PPP1R1A: variants seen among roughly 807,000 people sequenced by gnomAD.
The protein encoded by PPP1R1A is protein phosphatase 1 regulatory inhibitor subunit 1A.
Under a neutral mutation model 23.9 loss-of-function variants are expected in PPP1R1A, and 18 were observed. That is an observed-to-expected ratio of 0.75 (90% CI 0.52 to 1.12). The LOEUF is 1.12. Ranked by LOEUF, PPP1R1A falls within the 50% of genes most tolerant of loss-of-function variation. The pLI, the probability that PPP1R1A is intolerant of heterozygous loss-of-function variation, is 0.00. For synonymous variants in PPP1R1A, 84 were observed against 80.7 expected, an observed-to-expected ratio of 1.04 and a Z score of -0.22; for missense variants, 207 against 223.8, an observed-to-expected ratio of 0.92 and a Z score of 0.48.
In PPP1R1A at chr12:54,581,416, G is replaced by A. The variant is rs530360113; in HGVS notation, c.404-366C>T. Among the ~76,000 whole-genome samples, 2 of 152,230 alleles carry A rather than the reference G, an allele frequency of 1.3e-5. No homozygotes were observed. The highest frequency in any genetic ancestry group is 2.1e-4 in the South Asian group (1 of 4,822). On this transcript the variant is annotated intron_variant, in intron 5 of 6. Coordinates refer to ENST00000257905, the MANE Select transcript of PPP1R1A (RefSeq NM_006741.4). The surrounding 1 kb of genome is among the most constrained non-coding windows in gnomAD (Gnocchi z 4.1). ...GTGTTTGATTGTAGGGTTCTCTGCC[G>A]GGAATACTATGCGATACACAGTTTA...
intron 2 of PPP1R1A, 21 bp downstream of exon 2, chr12:54,584,239 G>A: frequency 3.2e-6 from 5 of 1,584,388 alleles, no homozygotes; most frequent in East Asian, 2.3e-5. Flanking sequence ...ACGCCCTTCA[G>A]CAACCTATCC....
chr12:54,587,129 G>A (rs990271996), intron 1 of PPP1R1A, among the ~76,000 whole-genome samples: 19 of 152,174 alleles, frequency 1.2e-4, no homozygotes, highest in African/African-American at 4.6e-4. Context: ...GGAGACGCAG[G>A]TACCTAACCC....
At chr12:54,587,521 C>T (rs1205454550) in intron 1 of PPP1R1A, among the ~76,000 whole-genome samples, 1 of 152,248 alleles carries the variant, frequency 6.6e-6, no homozygotes, top group Non-Finnish European at 1.5e-5. Context: ...GAGGCATACA[C>T]TTGCTCACAC....
rs752827269 is a variant in PPP1R1A, at chr12:54,580,396, T to C, written c.511-4A>G. On this transcript the variant is annotated splice_polypyrimidine_tract_variant and splice_region_variant and intron_variant, in intron 6 of 6. Coordinates refer to ENST00000257905, the MANE Select transcript of PPP1R1A (RefSeq NM_006741.4). ...GATACCTCCTCCTCTCTCAGACCTGTTATGGGGGAAAGGGGACAGAAAGAG... is the reference window on the plus strand; with the variant it reads ...GATACCTCCTCCTCTCTCAGACCTGCTATGGGGGAAAGGGGACAGAAAGAG... The C allele has an allele frequency of 2.1e-5, 34 of 1,612,680 alleles. No homozygotes were observed. Among genetic ancestry groups the C allele is most frequent in the Non-Finnish European group, 2.8e-5 (33 of 1,178,852 alleles).
Position 54,579,738 on chromosome 12 carries a change from G to A in PPP1R1A, c.*649C>T. The A allele has an allele frequency of 1.0e-6, 1 of 985,268 alleles. No homozygotes were observed. The highest frequency in any genetic ancestry group is 4.8e-5 in the South Asian group (1 of 21,050). 61.0% of individuals were successfully genotyped at this position (985,268 alleles called of 1,614,324 possible). ...TAACGGGTTGAAATAAGGGACAGCGGTCCCACAGCTGGAAGAGGGAACACA... is the reference window on the plus strand; with the variant it reads ...TAACGGGTTGAAATAAGGGACAGCGATCCCACAGCTGGAAGAGGGAACACA... On this transcript the variant is annotated 3_prime_UTR_variant, in exon 7 of 7. Transcript: ENST00000257905.
chr12:54,582,278 G>A (rs779989979), intron 4 of PPP1R1A, 147 bp from the exon 5 acceptor site: 101 of 824,660 alleles, frequency 1.2e-4, no homozygotes, highest in Admixed American at 1.9e-4. Flanking sequence ...GAACAAGGAG[G>A]GGACATTAGC....
Position 54,582,015 on chromosome 12 carries a change from C to T in PPP1R1A, c.364G>A (p.Glu122Lys). Residue 122 changes from glutamate (E) to lysine (K), a missense_variant, in exon 5 of 7, where the codon GAA becomes AAA. Physicochemically the swap from Glu to Lys is moderately conservative, Grantham distance 56 (BLOSUM62 1). Coordinates refer to ENST00000257905, the MANE Select transcript of PPP1R1A (RefSeq NM_006741.4). ...GAGGTGCCCAGCCTTGACTCCACTT[C>T]TGTGTCTGGGATCCCAGGTGGGCGG... is the stretch of plus-strand genomic sequence containing the variant. Reference protein sequence around the residue: ...ESRPPGIPDTEVESRLGTSGT... With the variant: ...ESRPPGIPDTKVESRLGTSGT... 6.2e-7 allele frequency: 1 copy of T among 1,613,660 alleles called. No homozygotes were observed. Among genetic ancestry groups the T allele is most frequent in the South Asian group, 1.1e-5 (1 of 91,030 alleles).
At chr12:54,582,486 C>T (rs947596304) in intron 4 of PPP1R1A, among the ~76,000 whole-genome samples, 12 of 151,996 alleles carry the variant, frequency 7.9e-5, no homozygotes, top group African/African-American at 2.4e-4. Context: ...TGCACTGTGC[C>T]GGTGAGTTCA....
chr12:54,588,256 A>ACCCCCCCCCCCCCCCCCCCCCCCC (rs142801029), intron 1 of PPP1R1A, 149 bp downstream of exon 1: 2 of 181,492 alleles, frequency 1.1e-5, no homozygotes, highest in Admixed American at 6.7e-5. Context: ...GGGACAGAAG[A>ACCCCCCCCCCCCCCCCCCCCCCCC]CCCCCCCCCG....
At chr12:54,587,751 G>C (rs1339757901) in intron 1 of PPP1R1A, among the ~76,000 whole-genome samples, 1 of 151,916 alleles carries the variant, frequency 6.6e-6, no homozygotes, top group African/African-American at 2.4e-5. Flanking sequence ...CACTCCAAAG[G>C]GCAGGAGTTG....
Position 54,580,376 on chromosome 12 carries a change from C to T in PPP1R1A, c.*11G>A. 1 of 1,613,522 alleles carries T rather than the reference C, an allele frequency of 6.2e-7. No homozygotes were observed. The highest frequency in any genetic ancestry group is 8.5e-7 in the Non-Finnish European group (1 of 1,179,602). On this transcript the variant is annotated 3_prime_UTR_variant, in exon 7 of 7. Coordinates refer to ENST00000257905, the MANE Select transcript of PPP1R1A (RefSeq NM_006741.4). ...AACTGCAGTCTTGATCCCAAGATAC[C>T]TCCTCCTCTCTCAGACCTGTTATGG...
intron 3 of PPP1R1A, 31 bp from the exon 4 acceptor site, chr12:54,582,826 C>G (rs1320732955): frequency 6.2e-7 from 1 of 1,604,182 alleles, no homozygotes; most frequent in Non-Finnish European, 8.5e-7. Context: ...AGATGGGCGC[C>G]AGCCCCCCCT....
At position 54,582,110 on chromosome 12, in the gene PPP1R1A, T is replaced by C; in HGVS notation, c.269A>G (p.His90Arg). The C allele has an allele frequency of 6.2e-7, 1 of 1,613,518 alleles. No individual in the cohort carries two copies. The highest frequency in any genetic ancestry group is 8.5e-7 in the Non-Finnish European group (1 of 1,179,682). The change falls in exon 5 of 7, where the codon CAT (histidine) becomes CGT (arginine). Residue 90 changes from histidine to arginine, a missense_variant. By Grantham distance (29) the His-to-Arg change is conservative. Coordinates refer to ENST00000257905, the MANE Select transcript of PPP1R1A (RefSeq NM_006741.4). ...TCCTTGCTGCTGTTGCCCCAGGTGA[T>C]GTTCAACCATCATCTGGAGCTCTGG... ...TMKELQMMVEHHLGQQQQGEE... is the reference protein window; with the variant it reads ...TMKELQMMVERHLGQQQQGEE...
chr12:54,587,369 T>A (rs934980822), intron 1 of PPP1R1A, among the ~76,000 whole-genome samples: 1 of 152,188 alleles, frequency 6.6e-6, no homozygotes. Flanking sequence ...AAATTGATAT[T>A]CTTTAGGAAT....
intron 1 of PPP1R1A, among the ~76,000 whole-genome samples, chr12:54,585,092 C>A (rs367931083): frequency 1.3e-5 from 2 of 152,292 alleles, no homozygotes; most frequent in African/African-American, 4.8e-5. Context: ...TTTCAAGCGC[C>A]CCCCAGCCTG....
rs749733573 is a variant in PPP1R1A, at chr12:54,581,002, G to T, written c.452C>A (p.Pro151His). 1.2e-6 allele frequency: 2 copies of T among 1,613,920 alleles called. No individual in the cohort carries two copies. The highest frequency in any genetic ancestry group is 1.7e-6 in the Non-Finnish European group (2 of 1,179,858). ...ATGGGTTGAGGGTTCTTTTGTGCTGGGTTCCTTACTGCCTCTCTCGTGAGT... is the reference window on the plus strand; with the variant it reads ...ATGGGTTGAGGGTTCTTTTGTGCTGTGTTCCTTACTGCCTCTCTCGTGAGT... ...PKTHERGSKE[P>H]STKEPSTHIP... Residue 151 changes from proline to histidine, a missense_variant, in exon 6 of 7, where the codon CCC becomes CAC. By Grantham distance (77) the Pro-to-His change is moderately conservative. Transcript: ENST00000257905. This position sits in a 1 kb window ranked among gnomAD's most constrained non-coding sequence, Gnocchi z 4.1.
intron 1 of PPP1R1A, among the ~76,000 whole-genome samples, chr12:54,587,660 T>C (rs1451041262): frequency 3.9e-5 from 6 of 152,142 alleles, no homozygotes; most frequent in African/African-American, 1.4e-4. Flanking sequence ...CCTTGCATAT[T>C]GTTCAGCTTG....
Position 54,579,924 on chromosome 12 carries a change from A to G in PPP1R1A, c.*463T>C, listed in dbSNP as rs1957838143. 3.0e-6 allele frequency: 3 copies of G among 988,458 alleles called. No homozygotes were observed. Among genetic ancestry groups the G allele is most frequent in the Non-Finnish European group, 2.4e-6 (2 of 831,914 alleles). 61.2% of individuals were successfully genotyped at this position (988,458 alleles called of 1,614,324 possible). A position where few individuals can be genotyped will look rare whatever the true frequency, so the allele number is the denominator to read the frequency against. On this transcript the variant is annotated 3_prime_UTR_variant, in exon 7 of 7. Coordinates refer to ENST00000257905, the MANE Select transcript of PPP1R1A (RefSeq NM_006741.4). Reference sequence around the variant, plus strand: ...GCCCACCGCACAGTCACAGCTGGACACGGCACAGGCCTTAGAGCGCCGAGT... The same window carrying G: ...GCCCACCGCACAGTCACAGCTGGACGCGGCACAGGCCTTAGAGCGCCGAGT...
At chr12:54,586,388 A>C (rs116988484) in intron 1 of PPP1R1A, among the ~76,000 whole-genome samples, 1,675 of 152,240 alleles carry the variant, frequency 0.011, 15 homozygotes, top group Middle Eastern at 0.037. Context: ...TCCTTTTCTC[A>C]TACCTATCCC....
Sources: allele counts gnomAD v4.1 joint callset (sites outside exome capture counted in the v4.1 genomes callset), GRCh38; gene constraint gnomAD v4.1.1; non-coding constraint Gnocchi (gnomAD v3.1); transcripts MANE v1.5; gene names NCBI Gene and HGNC (gene_info 2026-07-23, HGNC 2026-07-21).